The following RBFOX1 variants were observed in gnomAD, a reference collection of about 807,000 sequenced individuals.
RBFOX1 encodes RNA binding fox-1 homolog 1.
RBFOX1 carries 8 observed loss-of-function variants against 57.7 expected under a neutral mutation model. That is an observed-to-expected ratio of 0.14 (90% CI 0.08 to 0.25). RBFOX1 has a LOEUF of 0.25. Ranked by LOEUF, RBFOX1 falls within the 10% of genes least tolerant of loss-of-function variation. RBFOX1 has a pLI of 1.00. For missense variants in RBFOX1, 611 were observed against 548.5 expected, an observed-to-expected ratio of 1.11 and a Z score of -1.14; for synonymous variants, 326 against 222.4, an observed-to-expected ratio of 1.47 and a Z score of -4.15.
chr16:5,965,968 C>T (rs1370577201), intron 4 of RBFOX1, among the ~76,000 whole-genome samples: 1 of 152,164 alleles, frequency 6.6e-6, no homozygotes, highest in Non-Finnish European at 1.5e-5. Flanking sequence ...TGAAATGTTT[C>T]GGCCAAGGAG....
intron 1 of RBFOX1, among the ~76,000 whole-genome samples, chr16:6,210,276 C>T (rs1450702135): frequency 7.5e-6 from 1 of 132,918 alleles, no homozygotes; most frequent in African/African-American, 2.9e-5. Flanking sequence ...TGAGATCACG[C>T]ATTGCATTCC....
intron 3 of RBFOX1, among the ~76,000 whole-genome samples, chr16:6,854,628 T>A (rs551736095): frequency 3.6e-4 from 46 of 127,450 alleles, no homozygotes; most frequent in South Asian, 3.5e-3. Flanking sequence ...TGAGTCTCGC[T>A]GTTTTGCCCA....
chr16:7,679,132 T>A (rs564695732), intron 14 of RBFOX1, among the ~76,000 whole-genome samples: 1 of 151,940 alleles, frequency 6.6e-6, no homozygotes, highest in African/African-American at 2.4e-5. Context: ...ATCTTTAAAG[T>A]TGTATTTCTG....
At chr16:7,121,248 TGGAAATCTTACTCA>T (rs2151807642) in intron 4 of RBFOX1, among the ~76,000 whole-genome samples, 1 of 152,182 alleles carries the variant, frequency 6.6e-6, no homozygotes, top group Admixed American at 6.5e-5. Flanking sequence ...CACATAGTAC[TGGAAATCTTACTCA>T]CTACAATAAG....
chr16:5,768,802 C>T (rs900583551), intron 3 of RBFOX1, among the ~76,000 whole-genome samples: 7 of 152,110 alleles, frequency 4.6e-5, no homozygotes, highest in Admixed American at 2.0e-4. Flanking sequence ...CAAATGGAGT[C>T]CCCTCCACGG....
rs576884904 is a variant in RBFOX1, at chr16:7,024,795, C to T, written c.-15-27262C>T. On this transcript the variant is annotated intron_variant, in intron 3 of 15. Coordinates refer to ENST00000550418, the MANE Select transcript of RBFOX1 (RefSeq NM_018723.4). ...GAGTTCAGAGCCATTCCCTGCAATTCCCTCTGGACCCTGTTGGATGTTAAC... is the reference window on the plus strand; with the variant it reads ...GAGTTCAGAGCCATTCCCTGCAATTTCCTCTGGACCCTGTTGGATGTTAAC... Among the ~76,000 whole-genome samples the T allele has an allele frequency of 6.2e-4, 94 of 152,296 alleles. 1 individual carries two copies. The highest frequency in any genetic ancestry group is 2.1e-3 in the African/African-American group (86 of 41,566).
At chr16:6,689,756 A>G (rs569241826) in intron 3 of RBFOX1, among the ~76,000 whole-genome samples, 28 of 152,364 alleles carry the variant, frequency 1.8e-4, no homozygotes, top group South Asian at 6.2e-4. Context: ...GGAAATAAAC[A>G]GAGAGCCCAG....
intron 1 of RBFOX1, among the ~76,000 whole-genome samples, chr16:5,384,962 TAAAAC>T (rs1343888310): frequency 3.3e-5 from 5 of 152,314 alleles, no homozygotes; most frequent in Non-Finnish European, 7.3e-5. Flanking sequence ...TTGGTCAAAT[TAAAAC>T]AAAATCGCTT....
chr16:6,066,785 A>C (rs1380933726), intron 1 of RBFOX1, among the ~76,000 whole-genome samples: 2 of 152,120 alleles, frequency 1.3e-5, no homozygotes, highest in South Asian at 2.1e-4. Flanking sequence ...GAAGCTGGCC[A>C]TATGGTTCTC....
chr16:6,896,744 T>C (rs1308593925), intron 3 of RBFOX1, among the ~76,000 whole-genome samples: 1 of 152,150 alleles, frequency 6.6e-6, no homozygotes, highest in Non-Finnish European at 1.5e-5. Flanking sequence ...GCGAGGTCTG[T>C]GGATTGCTCC....
chr16:6,481,240 C>A (rs1469726051), intron 2 of RBFOX1, among the ~76,000 whole-genome samples: 3 of 152,238 alleles, frequency 2.0e-5, no homozygotes, highest in Non-Finnish European at 2.9e-5. Context: ...CTCTCTGTAT[C>A]ATCTTGCCTT....
At chr16:7,272,999 C>T (rs1404037433) in intron 4 of RBFOX1, among the ~76,000 whole-genome samples, 2 of 134,954 alleles carry the variant, frequency 1.5e-5, no homozygotes, top group Non-Finnish European at 3.1e-5. Flanking sequence ...CTCTCCCTTC[C>T]TTCCTCCCTT....
At chr16:5,287,946 C>G (rs561162715) in intron 1 of RBFOX1, among the ~76,000 whole-genome samples, 1 of 152,202 alleles carries the variant, frequency 6.6e-6, no homozygotes, top group Admixed American at 6.5e-5. Context: ...CAATGCAATT[C>G]AATAAGTATT....
At chr16:6,757,550 A>C (rs1435319903) in intron 3 of RBFOX1, among the ~76,000 whole-genome samples, 1 of 152,174 alleles carries the variant, frequency 6.6e-6, no homozygotes, top group Non-Finnish European at 1.5e-5. Flanking sequence ...CTGAGCACAG[A>C]AAGACAAATA....
intron 3 of RBFOX1, among the ~76,000 whole-genome samples, chr16:6,742,126 TA>T (rs1160450369): frequency 6.6e-6 from 1 of 152,178 alleles, no homozygotes; most frequent in African/African-American, 2.4e-5. Flanking sequence ...TTGTCAATTT[TA>T]AAATGTCAAA....
chr16:7,086,018 C>T (rs921223897), intron 4 of RBFOX1, among the ~76,000 whole-genome samples: 30 of 152,142 alleles, frequency 2.0e-4, no homozygotes, highest in Admixed American at 1.6e-3. Context: ...TTGTTATTTT[C>T]TTACCTCTCT....
Position 7,156,553 on chromosome 16 carries a change from A to G in RBFOX1, c.27+104455A>G, listed in dbSNP as rs567823410. Among the ~76,000 whole-genome samples, 10 of 152,138 alleles carry G rather than the reference A, an allele frequency of 6.6e-5. No individual in the cohort carries two copies. The South Asian group carries it at 2.1e-3, about 32-fold the overall frequency. ...TATGTGTACATATGCATGTAGATAT[A>G]CATATGTGTACATATGTATGCACAT... On this transcript the variant is annotated intron_variant, in intron 4 of 15. Transcript: ENST00000550418.
At chr16:6,460,239 C>A (rs957419839) in intron 2 of RBFOX1, among the ~76,000 whole-genome samples, 7 of 152,006 alleles carry the variant, frequency 4.6e-5, no homozygotes, top group African/African-American at 1.7e-4. Flanking sequence ...ACGTGGCCAT[C>A]TTTTCCCTGT....
rs535495353 is a variant in RBFOX1 at position 5,722,904 on chromosome 16, T to C, written c.318+123943T>C. Among the ~76,000 whole-genome samples, 6 of 152,348 alleles carry C rather than the reference T, an allele frequency of 3.9e-5. 1 individual carries two copies. In the South Asian group the frequency reaches 6.2e-4, roughly 16 times the overall value. ...CTCTCATTTTATCCTGTGTTTTCTT[T>C]TGTGGAAGTTCTCACCATATTTAAT... On this transcript the variant is annotated intron_variant, in intron 3 of 19. Coordinates refer to the RBFOX1 transcript ENST00000641259.
Sources: allele counts gnomAD v4.1 joint callset (sites outside exome capture counted in the v4.1 genomes callset), GRCh38; gene constraint gnomAD v4.1.1; transcripts MANE v1.5; gene names NCBI Gene and HGNC (gene_info 2026-07-23, HGNC 2026-07-21).